The following XPO4 variants were observed in gnomAD, a reference collection of about 807,000 sequenced individuals.
The protein encoded by XPO4 is exportin-4.
A neutral mutation model predicts 143.0 loss-of-function variants in XPO4; 39 were observed. The ratio of observed to expected loss-of-function variants is 0.27; its 90% CI spans 0.21 to 0.36. The LOEUF (loss-of-function observed/expected upper bound fraction) is 0.36, where lower values mean the gene tolerates loss of function less well. Among genes scored for constraint, XPO4 ranks in the 10% least tolerant of loss-of-function variants. XPO4 has a pLI of 1.00. For missense variants in XPO4, 907 were observed against 1,348.0 expected (o/e 0.67, Z 5.12); for synonymous variants, 439 against 474.0 (o/e 0.93, Z 0.96).
intron 1 of XPO4, among the ~76,000 whole-genome samples, chr13:20,896,106 T>G (rs1441982068): frequency 6.6e-6 from 1 of 152,224 alleles, no homozygotes; most frequent in Non-Finnish European, 1.5e-5. Flanking sequence ...TATTCTTAGT[T>G]CTGTTTCTAG....
intron 4 of XPO4, chr13:20,850,099 C>T: frequency 1.0e-5 from 10 of 983,872 alleles, no homozygotes; most frequent in Non-Finnish European, 1.2e-5. Flanking sequence ...GAGCAAGACT[C>T]TGTCTCAACA....
chr13:20,871,769 C>CA (rs1408169588), intron 1 of XPO4, among the ~76,000 whole-genome samples: 2 of 152,022 alleles, frequency 1.3e-5, no homozygotes, highest in Non-Finnish European at 2.9e-5. Context: ...AAAGTTAATC[C>CA]AAAAGACATC....
At chr13:20,822,935 T>G (rs1040117929) in intron 7 of XPO4, among the ~76,000 whole-genome samples, 1 of 152,234 alleles carries the variant, frequency 6.6e-6, no homozygotes, top group African/African-American at 2.4e-5. Flanking sequence ...TATATTTTAC[T>G]TCAGTGATAC....
rs60214499 is a variant in XPO4 at position 20,890,798 on chromosome 13, C to CAAAA, written c.69+11868_69+11871dup. Among the ~76,000 whole-genome samples the CAAAA allele has an allele frequency of 3.4e-4, 32 of 93,124 alleles. No individual in the cohort carries two copies. The East Asian group carries it at 6.6e-3, about 19-fold the overall frequency. 61.1% of individuals were successfully genotyped at this position (93,124 alleles called of 152,430 possible). A position where few individuals can be genotyped will look rare whatever the true frequency, so the allele number is the denominator to read the frequency against. ...TGGGCAACAGAATGAGACCCTGCCT[C>CAAAA]AAAAAAAAAAAAAAAAAAAAAGGAG... is the stretch of plus-strand genomic sequence containing the variant. On this transcript the variant is annotated intron_variant, in intron 1 of 22. Transcript: ENST00000255305.
At chr13:20,876,879 T>C (rs1373315493) in intron 1 of XPO4, among the ~76,000 whole-genome samples, 2 of 152,174 alleles carry the variant, frequency 1.3e-5, no homozygotes, top group Non-Finnish European at 2.9e-5. Flanking sequence ...AACTTCCACA[T>C]CGTGTAAGGG....
At chr13:20,837,625 C>CATA (rs1027880263) in intron 6 of XPO4, among the ~76,000 whole-genome samples, 4 of 152,058 alleles carry the variant, frequency 2.6e-5, no homozygotes, top group Admixed American at 6.6e-5. Context: ...TTGATAAACA[C>CATA]ATACCCGAGA....
At chr13:20,890,743 G>A (rs1000204662) in intron 1 of XPO4, among the ~76,000 whole-genome samples, 2 of 147,974 alleles carry the variant, frequency 1.4e-5, no homozygotes, top group Admixed American at 1.4e-4. Context: ...AGGATGGCGT[G>A]AGCCGAGATT....
chr13:20,837,785 A>C (rs551167087), intron 6 of XPO4, among the ~76,000 whole-genome samples: 45 of 152,302 alleles, frequency 3.0e-4, no homozygotes, highest in Non-Finnish European at 6.0e-4. Context: ...GAAGATGCAA[A>C]AGTGGAAACC....
At chr13:20,793,397 T>A (rs2059311940) in intron 18 of XPO4, among the ~76,000 whole-genome samples, 1 of 152,262 alleles carries the variant, frequency 6.6e-6, no homozygotes. Context: ...ATCTTTTCGC[T>A]GCTTTTATTT....
intron 1 of XPO4, among the ~76,000 whole-genome samples, chr13:20,888,609 G>A (rs914357753): frequency 1.3e-5 from 2 of 151,878 alleles, no homozygotes; most frequent in African/African-American, 4.8e-5. Flanking sequence ...TGCTTGCCTC[G>A]GCCTCTCAAA....
intron 2 of XPO4, chr13:20,866,405 TC>T: frequency 1.0e-6 from 1 of 980,552 alleles, no homozygotes; most frequent in Non-Finnish European, 1.2e-6. Context: ...AAAGAAAGTC[TC>T]CCCTTTAGTA....
At chr13:20,839,680 T>G (rs560790232) in intron 6 of XPO4, among the ~76,000 whole-genome samples, 2 of 151,930 alleles carry the variant, frequency 1.3e-5, no homozygotes, top group Admixed American at 1.3e-4. Flanking sequence ...CCACAAAAAT[T>G]AAAATAAAAA....
At chr13:20,815,301 C>T (rs866166744) in intron 9 of XPO4, among the ~76,000 whole-genome samples, 8 of 152,204 alleles carry the variant, frequency 5.3e-5, no homozygotes, top group South Asian at 4.1e-4. Flanking sequence ...ACCCTATGTA[C>T]ACTATGGACT....
chr13:20,891,030 T>C (rs1188974067), intron 1 of XPO4, among the ~76,000 whole-genome samples: 2 of 144,460 alleles, frequency 1.4e-5, no homozygotes, highest in Admixed American at 7.0e-5. Context: ...GGCAGGAGAG[T>C]TGCTTGAATC....
chr13:20,883,657 C>T (rs985309628), intron 1 of XPO4, among the ~76,000 whole-genome samples: 5 of 152,114 alleles, frequency 3.3e-5, no homozygotes, highest in African/African-American at 7.2e-5. Flanking sequence ...GAGAGTTTAC[C>T]ACCAAAGTAC....
At chr13:20,850,991 T>G (rs758598442) in intron 4 of XPO4, 4 of 985,348 alleles carry the variant, frequency 4.1e-6, no homozygotes, top group Non-Finnish European at 4.8e-6. Context: ...CTCTTAAAAG[T>G]CACCTTTATA....
chr13:20,850,212 A>C (rs1335697995), intron 4 of XPO4: 1 of 985,140 alleles, frequency 1.0e-6, no homozygotes, highest in Non-Finnish European at 1.2e-6. Flanking sequence ...GATTTATTAT[A>C]GTTCACTTCC....
intron 4 of XPO4, chr13:20,848,730 C>G (rs1343834110): frequency 1.0e-6 from 1 of 985,348 alleles, no homozygotes; most frequent in African/African-American, 1.7e-5. Flanking sequence ...GTGTTTACTT[C>G]TATGCCCAGC....
At chr13:20,809,323 C>T in intron 10 of XPO4, 98 bp from the exon 11 acceptor site, 1 of 1,436,368 alleles carries the variant, frequency 7.0e-7, no homozygotes, top group Non-Finnish European at 9.3e-7. Context: ...CTAAGCACTG[C>T]ATAGCAAAAG....
Sources: allele counts gnomAD v4.1 joint callset (sites outside exome capture counted in the v4.1 genomes callset), GRCh38; gene constraint gnomAD v4.1.1; transcripts MANE v1.5; gene names NCBI Gene and HGNC (gene_info 2026-07-23, HGNC 2026-07-21).